Variants in RBMS3 observed in about 807,000 individuals in gnomAD.
The protein encoded by RBMS3 is RNA-binding motif, single-stranded-interacting protein 3.
RBMS3 carries 27 observed loss-of-function variants against 66.8 expected under a neutral mutation model. That is an observed-to-expected ratio of 0.40 (90% CI 0.30 to 0.56). The LOEUF (loss-of-function observed/expected upper bound fraction) is 0.56. RBMS3 is among the 20% of genes least tolerant of loss of function. The pLI is 0.40. For synonymous variants in RBMS3, 188 were observed against 183.0 expected (o/e 1.03, Z -0.22); for missense variants, 513 against 549.5 (o/e 0.93, Z 0.66).
intron 3 of RBMS3, among the ~76,000 whole-genome samples, chr3:29,571,026 G>A (rs866586045): frequency 1.3e-5 from 2 of 152,028 alleles, no homozygotes; most frequent in Middle Eastern, 6.8e-3. Flanking sequence ...CATTTTAACT[G>A]GGCTGAGATG....
chr3:29,604,246 G>A (rs1004084540), intron 4 of RBMS3, among the ~76,000 whole-genome samples: 2 of 151,802 alleles, frequency 1.3e-5, no homozygotes, highest in African/African-American at 2.4e-5. Context: ...ATATAATTGT[G>A]AGTGTATAAT....
intron 1 of RBMS3, among the ~76,000 whole-genome samples, chr3:29,370,662 G>A (rs1376299743): frequency 6.6e-6 from 1 of 152,140 alleles, no homozygotes; most frequent in Non-Finnish European, 1.5e-5. Flanking sequence ...AAGGTTGCCT[G>A]GACCGTGCTT....
chr3:29,637,976 C>A (rs9855779), intron 4 of RBMS3, among the ~76,000 whole-genome samples: 11,918 of 151,900 alleles, frequency 0.078, 819 homozygotes, highest in East Asian at 0.35. Context: ...ATCTATTCAT[C>A]TCCTTTGAAC....
At chr3:29,383,006 A>G (rs764887195) in intron 1 of RBMS3, among the ~76,000 whole-genome samples, 3 of 152,352 alleles carry the variant, frequency 2.0e-5, no homozygotes, top group Non-Finnish European at 2.9e-5. Context: ...CACTTGTTCA[A>G]TGGGTCAGGT....
At chr3:29,772,537 C>G (rs1228558231) in intron 6 of RBMS3, among the ~76,000 whole-genome samples, 10 of 151,886 alleles carry the variant, frequency 6.6e-5, no homozygotes, top group Non-Finnish European at 1.3e-4. Flanking sequence ...ACAATAGTTA[C>G]AGGCACCACT....
intron 4 of RBMS3, among the ~76,000 whole-genome samples, chr3:29,705,575 G>T (rs540386344): frequency 6.6e-6 from 1 of 152,042 alleles, no homozygotes; most frequent in Non-Finnish European, 1.5e-5. Flanking sequence ...TATTCTTCTT[G>T]TTGTGAATGA....
chr3:29,906,918 CA>C (rs2060394835), intron 10 of RBMS3, among the ~76,000 whole-genome samples: 1 of 152,100 alleles, frequency 6.6e-6, no homozygotes, highest in African/African-American at 2.4e-5. Flanking sequence ...TGACATCACA[CA>C]ATATGTGCTA....
At chr3:29,438,257 A>G (rs1468833880) in intron 2 of RBMS3, among the ~76,000 whole-genome samples, 1 of 152,136 alleles carries the variant, frequency 6.6e-6, no homozygotes, top group Non-Finnish European at 1.5e-5. Context: ...AATTATAAGC[A>G]CTTTTAGAGT....
intron 3 of RBMS3, among the ~76,000 whole-genome samples, chr3:29,509,583 T>G (rs1383901332): frequency 1.3e-5 from 2 of 152,148 alleles, no homozygotes; most frequent in Non-Finnish European, 2.9e-5. Context: ...CATCCCTCTT[T>G]TATGCTGCCT....
chr3:29,355,788 T>C (rs1187163262), intron 1 of RBMS3, among the ~76,000 whole-genome samples: 1 of 152,120 alleles, frequency 6.6e-6, no homozygotes, highest in East Asian at 1.9e-4. Flanking sequence ...GGAAATTACA[T>C]TGAAGAATAA....
rs2036141447 is a variant in RBMS3, at chr3:29,339,287, G to A, written c.75+57531G>A. On this transcript the variant is annotated intron_variant, in intron 1 of 14. Coordinates refer to ENST00000383767, the MANE Select transcript of RBMS3 (RefSeq NM_001003793.3). Reference sequence around the variant, plus strand: ...GCCTGAAGACAGACCAAGACAAATGGCATTTACAAATGAAAATCTTGGGGG... The same window carrying A: ...GCCTGAAGACAGACCAAGACAAATGACATTTACAAATGAAAATCTTGGGGG... 3.9e-5 allele frequency among the ~76,000 whole-genome samples: 6 copies of A among 152,242 alleles called. No individual in the cohort carries two copies. The South Asian group carries it at 1.2e-3, about 32-fold the overall frequency.
At chr3:29,920,967 A>G (rs1040996268) in intron 10 of RBMS3, among the ~76,000 whole-genome samples, 4 of 152,170 alleles carry the variant, frequency 2.6e-5, no homozygotes, top group Non-Finnish European at 5.9e-5. Flanking sequence ...ATACATTTTA[A>G]AAGGAAGGTC....
chr3:29,930,109 C>CTTTTCTTTTTTTTTTTTTTTT (rs1553702216), intron 10 of RBMS3, among the ~76,000 whole-genome samples: 2 of 43,556 alleles, frequency 4.6e-5, no homozygotes, highest in Non-Finnish European at 1.0e-4. Context: ...TTCTTTCTTT[C>CTTTTCTTTTTTTTTTTTTTTT]TTTTTTTTTT....
intron 6 of RBMS3, among the ~76,000 whole-genome samples, chr3:29,770,920 A>G (rs1231407191): frequency 2.0e-5 from 3 of 152,068 alleles, no homozygotes; most frequent in African/African-American, 4.8e-5. Context: ...CAATTTTTGT[A>G]TGAATGGATA....
chr3:29,997,252 G>A (rs1699307510), intron 14 of RBMS3, among the ~76,000 whole-genome samples: 1 of 152,010 alleles, frequency 6.6e-6, no homozygotes, highest in Non-Finnish European at 1.5e-5. Flanking sequence ...CCAATAACAG[G>A]AACTGAAATT....
At chr3:29,574,557 A>C (rs960987442) in intron 3 of RBMS3, among the ~76,000 whole-genome samples, 2 of 152,150 alleles carry the variant, frequency 1.3e-5, no homozygotes, top group East Asian at 3.9e-4. Flanking sequence ...ATTTACAATC[A>C]ATGTTATTAT....
At chr3:29,394,324 C>A (rs1050210914) in intron 1 of RBMS3, among the ~76,000 whole-genome samples, 1 of 152,182 alleles carries the variant, frequency 6.6e-6, no homozygotes. Flanking sequence ...CTCCCTTGTT[C>A]CCTGAAAATC....
chr3:29,561,293 G>T (rs1365266980), intron 3 of RBMS3, among the ~76,000 whole-genome samples: 1 of 152,094 alleles, frequency 6.6e-6, no homozygotes, highest in Non-Finnish European at 1.5e-5. Flanking sequence ...TAGACCAAAG[G>T]ATACTTCTTT....
At chr3:29,404,558 C>A (rs2039936877) in intron 1 of RBMS3, among the ~76,000 whole-genome samples, 1 of 152,080 alleles carries the variant, frequency 6.6e-6, no homozygotes, top group Non-Finnish European at 1.5e-5. Context: ...TTAATTGCAA[C>A]ACTATTTTCA....
Sources: allele counts gnomAD v4.1 joint callset (sites outside exome capture counted in the v4.1 genomes callset), GRCh38; gene constraint gnomAD v4.1.1; transcripts MANE v1.5; gene names NCBI Gene and HGNC (gene_info 2026-07-23, HGNC 2026-07-21).